Variants in CDH7 observed in about 807,000 individuals in gnomAD.
The protein encoded by CDH7 is cadherin-7.
CDH7 carries 25 observed loss-of-function variants against 71.8 expected under a neutral mutation model. The observed-to-expected ratio is 0.35, with a 90% confidence interval of 0.25 to 0.49. The LOEUF is 0.49. Ranked by LOEUF, CDH7 falls within the 20% of genes least tolerant of loss-of-function variation. CDH7 has a pLI of 0.99. For synonymous variants in CDH7, 381 were observed against 363.8 expected (o/e 1.05, Z -0.54); for missense variants, 862 against 974.6 (o/e 0.88, Z 1.54).
chr18:65,754,563 A>G (rs1235130432), intron 1 of CDH7, among the ~76,000 whole-genome samples: 2 of 152,246 alleles, frequency 1.3e-5, no homozygotes, highest in Non-Finnish European at 2.9e-5. Flanking sequence ...TGGTATACAG[A>G]TGAAACAAAT....
At chr18:65,777,722 T>A (rs1461006404) in intron 2 of CDH7, among the ~76,000 whole-genome samples, 1 of 152,152 alleles carries the variant, frequency 6.6e-6, no homozygotes, top group East Asian at 1.9e-4. Flanking sequence ...ATGTAATTTT[T>A]AAATTTTAAA....
chr18:65,786,649 A>C (rs567169775), intron 2 of CDH7, among the ~76,000 whole-genome samples: 5 of 152,160 alleles, frequency 3.3e-5, no homozygotes, highest in African/African-American at 1.2e-4. Context: ...TGAGTCAGAG[A>C]TAATTTCCTT....
In CDH7 at chr18:65,814,509, C is replaced by T. The variant is rs763799602; in HGVS notation, c.530C>T (p.Ala177Val). Residue 177 changes from alanine (A) to valine (V), a missense_variant, in exon 4 of 12, where the codon GCG becomes GTG. Coordinates refer to ENST00000397968, the MANE Select transcript of CDH7 (RefSeq NM_004361.5). Reference sequence around the variant, plus strand: ...GGGACCTCAGTGGTACAAGTGACAGCGACGGATGCTGATGATCCTACATAT... The same window carrying T: ...GGGACCTCAGTGGTACAAGTGACAGTGACGGATGCTGATGATCCTACATAT... ...PVGTSVVQVT[A>V]TDADDPTYGN... 16 of 1,613,640 alleles carry T rather than the reference C, an allele frequency of 9.9e-6. No individual in the cohort carries two copies. Among genetic ancestry groups the T allele is most frequent in the Admixed American group, 1.7e-5 (1 of 59,982 alleles).
intron 2 of CDH7, among the ~76,000 whole-genome samples, chr18:65,781,924 C>CTT (rs1910259407): frequency 2.4e-5 from 1 of 41,202 alleles, no homozygotes; most frequent in African/African-American, 1.9e-4. Context: ...TTCTCTCTTT[C>CTT]TCTCTCTCTC....
At chr18:65,829,356 G>C (rs1291813898) in intron 6 of CDH7, among the ~76,000 whole-genome samples, 1 of 151,642 alleles carries the variant, frequency 6.6e-6, no homozygotes, top group Non-Finnish European at 1.5e-5. Flanking sequence ...CTGAACTTGT[G>C]ATCCGCCCGC....
At chr18:65,854,882 G>A (rs1439400637) in intron 7 of CDH7, among the ~76,000 whole-genome samples, 1 of 149,526 alleles carries the variant, frequency 6.7e-6, no homozygotes, top group Non-Finnish European at 1.5e-5. Context: ...ATGTATATTG[G>A]TTCATACATA....
At chr18:65,759,623 A>G (rs906635812) in intron 1 of CDH7, among the ~76,000 whole-genome samples, 6 of 152,194 alleles carry the variant, frequency 3.9e-5, no homozygotes, top group African/African-American at 1.2e-4. Flanking sequence ...TCAATTTTAT[A>G]TAATTGTCAA....
At chr18:65,845,078 T>C (rs1912888970) in intron 7 of CDH7, among the ~76,000 whole-genome samples, 1 of 151,208 alleles carries the variant, frequency 6.6e-6, no homozygotes, top group Non-Finnish European at 1.5e-5. Context: ...TTACTTAATA[T>C]TTATTGATTT....
intron 1 of CDH7, among the ~76,000 whole-genome samples, chr18:65,754,731 A>T (rs1915985358): frequency 6.6e-6 from 1 of 152,178 alleles, no homozygotes; most frequent in Non-Finnish European, 1.5e-5. Context: ...TTTGCCAAAC[A>T]AAATGGCCCC....
chr18:65,846,006 T>A (rs574923379), intron 7 of CDH7, among the ~76,000 whole-genome samples: 1 of 152,288 alleles, frequency 6.6e-6, no homozygotes, highest in East Asian at 1.9e-4. Flanking sequence ...GATATTTTTA[T>A]CCTGTTTAAA....
At chr18:65,810,138 A>G in intron 3 of CDH7, 140 bp downstream of exon 3, 1 of 657,642 alleles carries the variant, frequency 1.5e-6, no homozygotes, top group African/African-American at 1.8e-5. Context: ...GGGTGAGGGG[A>G]ACATTTGAGA....
At chr18:65,777,773 T>C (rs1568179110) in intron 2 of CDH7, among the ~76,000 whole-genome samples, 1 of 152,102 alleles carries the variant, frequency 6.6e-6, no homozygotes. Context: ...CCACCTTTGT[T>C]GGTTTGTTGC....
intron 10 of CDH7, among the ~76,000 whole-genome samples, chr18:65,860,065 T>C (rs368516106): frequency 8.1e-4 from 124 of 152,312 alleles, no homozygotes; most frequent in African/African-American, 2.9e-3. Flanking sequence ...CTCATTCTTT[T>C]CTTATAAGCA....
intron 2 of CDH7, among the ~76,000 whole-genome samples, chr18:65,784,901 T>C (rs532011648): frequency 1.3e-5 from 2 of 152,316 alleles, no homozygotes; most frequent in Non-Finnish European, 2.9e-5. Context: ...CATTTATGTG[T>C]TACATTATAC....
At position 65,885,417 on chromosome 18, in the gene CDH7, G is replaced by A. The variant is rs1168471300; in HGVS notation, c.*4523G>A. 1.2e-4 allele frequency: 13 copies of A among 110,658 alleles called. No individual in the cohort carries two copies. Among genetic ancestry groups the A allele is most frequent in the Non-Finnish European group, 1.8e-5 (1 of 55,406 alleles). The allele number at this position is 110,658 out of a possible 1,614,324, so 6.9% of individuals were successfully genotyped here. A position where few individuals can be genotyped will look rare whatever the true frequency, so the allele number is the denominator to read the frequency against. ...TTTTGACGTGGAGTCTCGCTCTGTC[G>A]CCCAGGCTGGAGTGCAGTGGTGCGA... On this transcript the variant is annotated 3_prime_UTR_variant, in exon 12 of 12. Coordinates refer to ENST00000397968, the MANE Select transcript of CDH7 (RefSeq NM_004361.5).
chr18:65,758,222 A>T (rs1916087341), intron 1 of CDH7, among the ~76,000 whole-genome samples: 2 of 152,224 alleles, frequency 1.3e-5, no homozygotes, highest in Non-Finnish European at 2.9e-5. Context: ...AAAGAACTAC[A>T]GGCTTTTTAA....
chr18:65,778,529 C>CTCTTTTTTTTTTTTTTTTTT (rs1910046311), intron 2 of CDH7, among the ~76,000 whole-genome samples: 1 of 84,340 alleles, frequency 1.2e-5, no homozygotes, highest in East Asian at 3.6e-4. Context: ...GCGTCTCACT[C>CTCTTTTTTTTTTTTTTTTTT]TTTTTTTTTT....
chr18:65,847,224 T>C (rs1912965485), intron 7 of CDH7, among the ~76,000 whole-genome samples: 1 of 152,194 alleles, frequency 6.6e-6, no homozygotes, highest in South Asian at 2.1e-4. Context: ...CACATTGAGA[T>C]GGGACATGAG....
At chr18:65,765,940 A>C (rs1437055240) in intron 2 of CDH7, among the ~76,000 whole-genome samples, 3 of 152,144 alleles carry the variant, frequency 2.0e-5, no homozygotes, top group Admixed American at 2.0e-4. Flanking sequence ...TATGACCTAC[A>C]TTCAATTACT....
Sources: allele counts gnomAD v4.1 joint callset (sites outside exome capture counted in the v4.1 genomes callset), GRCh38; gene constraint gnomAD v4.1.1; transcripts MANE v1.5; gene names NCBI Gene and HGNC (gene_info 2026-07-23, HGNC 2026-07-21).